KSR2: variants seen among roughly 807,000 people sequenced by gnomAD.
KSR2 encodes the protein kinase suppressor of ras 2.
KSR2 carries 25 observed loss-of-function variants against 107.8 expected under a neutral mutation model. The observed-to-expected ratio is 0.23, with a 90% CI of 0.17 to 0.32. The LOEUF is 0.32. Among genes scored for constraint, KSR2 ranks in the 10% least tolerant of loss-of-function variants. The pLI, the probability that KSR2 is intolerant of heterozygous loss-of-function variation, is 1.00. For missense variants in KSR2, 887 were observed against 1,268.9 expected (o/e 0.70, Z 4.57); for synonymous variants, 480 against 507.0 (o/e 0.95, Z 0.71).
At chr12:117,537,444 G>T (rs571304848) in intron 10 of KSR2, among the ~76,000 whole-genome samples, 17 of 152,282 alleles carry the variant, frequency 1.1e-4, no homozygotes, top group Admixed American at 9.8e-4. Flanking sequence ...GCCCAGATTT[G>T]TTGAGGTCTT....
intron 3 of KSR2, among the ~76,000 whole-genome samples, chr12:117,840,979 G>A (rs918579671): frequency 6.7e-6 from 1 of 149,112 alleles, no homozygotes; most frequent in South Asian, 2.2e-4. Context: ...TCTAGCCGGG[G>A]CGACAGAGTG....
At chr12:117,961,006 C>T (rs185617799) in intron 1 of KSR2, among the ~76,000 whole-genome samples, 1 of 152,126 alleles carries the variant, frequency 6.6e-6, no homozygotes, top group Non-Finnish European at 1.5e-5. Context: ...ACCACATTGT[C>T]CAGACTGGTC....
At chr12:117,879,272 A>G (rs1893957088) in intron 1 of KSR2, among the ~76,000 whole-genome samples, 1 of 152,210 alleles carries the variant, frequency 6.6e-6, no homozygotes, top group South Asian at 2.1e-4. Flanking sequence ...AATGTTATAT[A>G]ATTTAGCCAG....
At chr12:117,763,505 T>C (rs1202132593) in intron 3 of KSR2, among the ~76,000 whole-genome samples, 1 of 152,160 alleles carries the variant, frequency 6.6e-6, no homozygotes, top group Non-Finnish European at 1.5e-5. Context: ...ACACCAAATG[T>C]GCAGGCTTCA....
chr12:117,853,722 T>C (rs1409166141), intron 3 of KSR2, among the ~76,000 whole-genome samples: 1 of 152,002 alleles, frequency 6.6e-6, no homozygotes, highest in Non-Finnish European at 1.5e-5. Flanking sequence ...TGGAGCAGAT[T>C]TTGTATGTAC....
At chr12:117,598,440 T>C (rs1305846470) in intron 5 of KSR2, among the ~76,000 whole-genome samples, 1 of 152,198 alleles carries the variant, frequency 6.6e-6, no homozygotes, top group Non-Finnish European at 1.5e-5. Flanking sequence ...TGTGCTGCTA[T>C]AAACATGCAT....
intron 1 of KSR2, among the ~76,000 whole-genome samples, chr12:117,936,015 T>C (rs1337038964): frequency 6.6e-6 from 1 of 152,150 alleles, no homozygotes; most frequent in African/African-American, 2.4e-5. Flanking sequence ...CTATCATCCT[T>C]GATAGCTTCC....
At chr12:117,603,326 T>C (rs565528420) in intron 5 of KSR2, among the ~76,000 whole-genome samples, 2 of 152,374 alleles carry the variant, frequency 1.3e-5, no homozygotes, top group East Asian at 1.9e-4. Flanking sequence ...CAATGTTTTA[T>C]ATAGCTAATT....
intron 9 of KSR2, among the ~76,000 whole-genome samples, chr12:117,541,114 G>C (rs1292587064): frequency 6.6e-6 from 1 of 151,666 alleles, no homozygotes; most frequent in Non-Finnish European, 1.5e-5. Flanking sequence ...GAGGCAGGCA[G>C]GGGGGAACAG....
Position 117,907,585 on chromosome 12 carries a change from C to CAG in KSR2, c.181-47155_181-47154insCT, listed in dbSNP as rs1310302849. Among the ~76,000 whole-genome samples the CAG allele has an allele frequency of 5.4e-3, 817 of 152,228 alleles. 11 individuals carry two copies. Among genetic ancestry groups the CAG allele is most frequent in the African/African-American group, 0.019 (777 of 41,530 alleles). ...GTTTAGAGATTAAGAGAGCACAGAA[C>CAG]ACAGAGAGAGAGAATATCAGAAAAT... On this transcript the variant is annotated intron_variant, in intron 1 of 19. Coordinates refer to ENST00000339824, the MANE Select transcript of KSR2 (RefSeq NM_173598.6). This position sits in a 1 kb window ranked among gnomAD's most constrained non-coding sequence, Gnocchi z 4.3.
chr12:117,884,099 T>C (rs775011862), intron 1 of KSR2, among the ~76,000 whole-genome samples: 49 of 152,268 alleles, frequency 3.2e-4, no homozygotes, highest in Non-Finnish European at 6.8e-4. Flanking sequence ...CCAATGTCAC[T>C]GTGCCCATCT....
intron 8 of KSR2, among the ~76,000 whole-genome samples, chr12:117,555,810 T>C (rs1357639955): frequency 6.6e-6 from 1 of 152,230 alleles, no homozygotes; most frequent in Non-Finnish European, 1.5e-5. Flanking sequence ...ACATAGTAGA[T>C]GCTAAATAAA....
At chr12:117,731,958 C>T (rs1330207463) in intron 4 of KSR2, among the ~76,000 whole-genome samples, 1 of 147,770 alleles carries the variant, frequency 6.8e-6, no homozygotes, top group African/African-American at 2.4e-5. Flanking sequence ...TGTTTATCTG[C>T]TGACCTTCCC....
At chr12:117,920,306 C>T (rs1172313868) in intron 1 of KSR2, among the ~76,000 whole-genome samples, 1 of 151,894 alleles carries the variant, frequency 6.6e-6, no homozygotes, top group African/African-American at 2.4e-5. Context: ...CACTATGTTG[C>T]CCAGGCTGGT....
At chr12:117,676,491 G>A (rs1194007753) in intron 4 of KSR2, among the ~76,000 whole-genome samples, 1 of 152,010 alleles carries the variant, frequency 6.6e-6, no homozygotes, top group Non-Finnish European at 1.5e-5. Flanking sequence ...AGGGGAGGAG[G>A]AAGAGAAAGA....
intron 9 of KSR2, among the ~76,000 whole-genome samples, chr12:117,546,844 T>C (rs558753507): frequency 6.6e-6 from 1 of 152,370 alleles, no homozygotes; most frequent in South Asian, 2.1e-4. Context: ...CTTCCAATTC[T>C]TTGCTGACAC....
In KSR2 at chr12:117,579,157, C is replaced by G; in HGVS notation, c.1287G>C (p.Gly429=). 1 of 1,613,746 alleles carries G rather than the reference C, an allele frequency of 6.2e-7. No homozygotes were observed. ...YWMSQTCTVC[G]KGMLFGLKCK... is the part of the protein sequence containing the mutation. ...ACTTGAGGCCAAAAAGCATCCCTTT[C>G]CCACAGACTGTGCACGTCTGAGACA... The change falls in exon 7 of 20, where the codon GGG becomes GGC. Residue 429 remains glycine, a synonymous_variant. Coordinates refer to ENST00000339824, the MANE Select transcript of KSR2 (RefSeq NM_173598.6).
chr12:117,489,046 G>A (rs900631841), intron 14 of KSR2, among the ~76,000 whole-genome samples: 1 of 152,166 alleles, frequency 6.6e-6, no homozygotes, highest in Non-Finnish European at 1.5e-5. Flanking sequence ...CCAACATAAT[G>A]TTGAGTGAAG....
chr12:117,679,389 C>A (rs76364984), intron 4 of KSR2, among the ~76,000 whole-genome samples: 10 of 152,126 alleles, frequency 6.6e-5, no homozygotes, highest in Non-Finnish European at 2.9e-5. Context: ...AGAGGTTATG[C>A]GGCACTTGGT....
Sources: allele counts gnomAD v4.1 joint callset (sites outside exome capture counted in the v4.1 genomes callset), GRCh38; gene constraint gnomAD v4.1.1; non-coding constraint Gnocchi (gnomAD v3.1); transcripts MANE v1.5; gene names NCBI Gene and HGNC (gene_info 2026-07-23, HGNC 2026-07-21).